The following FTO variants were observed in gnomAD, a reference collection of about 807,000 sequenced individuals.
FTO encodes alpha-ketoglutarate-dependent dioxygenase FTO.
In FTO, 47 loss-of-function variants were observed where a neutral mutation model predicts 63.9. The ratio of observed to expected loss-of-function variants is 0.74; its 90% confidence interval spans 0.58 to 0.94. FTO has a LOEUF of 0.94. Ranked by LOEUF, FTO falls within the 40% of genes least tolerant of loss-of-function variation. The pLI, the probability that FTO is intolerant of heterozygous loss-of-function variation, is 0.00. For missense variants in FTO, 562 were observed against 618.1 expected, an observed-to-expected ratio of 0.91 and a Z score of 0.96; for synonymous variants, 207 against 224.4, an observed-to-expected ratio of 0.92 and a Z score of 0.69.
intron 1 of FTO, among the ~76,000 whole-genome samples, chr16:53,719,196 A>G (rs963443113): frequency 2.7e-5 from 4 of 150,766 alleles, no homozygotes; most frequent in African/African-American, 7.3e-5. Context: ...AAGCATTAGG[A>G]TTATTTGCCT....
intron 1 of FTO, among the ~76,000 whole-genome samples, chr16:53,741,656 G>A (rs1025622530): frequency 1.3e-5 from 2 of 152,164 alleles, no homozygotes; most frequent in African/African-American, 4.8e-5. Context: ...GATCTTTCCA[G>A]TGTCCTCTTC....
chr16:53,737,660 C>A (rs1256666577), intron 1 of FTO, among the ~76,000 whole-genome samples: 1 of 152,184 alleles, frequency 6.6e-6, no homozygotes, highest in Non-Finnish European at 1.5e-5. Flanking sequence ...CTCCTTGTCA[C>A]CCAGCAGTAA....
At chr16:53,758,544 T>TA (rs2076977054) in intron 1 of FTO, among the ~76,000 whole-genome samples, 1 of 152,168 alleles carries the variant, frequency 6.6e-6, no homozygotes, top group Non-Finnish European at 1.5e-5. Flanking sequence ...GTTTCCATCA[T>TA]ATCGCTCTGT....
chr16:53,840,765 G>A (rs561410893), intron 3 of FTO, among the ~76,000 whole-genome samples: 2 of 152,270 alleles, frequency 1.3e-5, no homozygotes, highest in Non-Finnish European at 2.9e-5. Context: ...GTAAAGTGAA[G>A]TGGCTGTGGG....
chr16:53,785,803 G>A (rs1480946876), intron 1 of FTO, among the ~76,000 whole-genome samples: 4 of 151,786 alleles, frequency 2.6e-5, no homozygotes, highest in Non-Finnish European at 5.9e-5. Context: ...CCAGCTACTC[G>A]GGAGGCTGAG....
intron 7 of FTO, among the ~76,000 whole-genome samples, chr16:53,929,469 T>A (rs1392433389): frequency 6.6e-6 from 1 of 152,214 alleles, no homozygotes; most frequent in Non-Finnish European, 1.5e-5. Context: ...TTGTTTCCAG[T>A]TTTTGGTGAT....
intron 7 of FTO, among the ~76,000 whole-genome samples, chr16:53,909,249 A>G (rs574686714): frequency 1.6e-4 from 24 of 152,200 alleles, no homozygotes; most frequent in Non-Finnish European, 2.4e-4. Flanking sequence ...TTAAAGGTTT[A>G]AGGTGTCGAA....
chr16:53,810,312 A>C, intron 2 of FTO, 95 bp downstream of exon 2: 1 of 826,142 alleles, frequency 1.2e-6, no homozygotes, highest in Non-Finnish European at 2.1e-6. Context: ...GTTAAATGAC[A>C]GGTGAAAAGG....
chr16:53,868,815 T>A lies in FTO; in HGVS notation c.896-4971T>A, dbSNP rs535973888. ...TTTTTATTTGTCTGAAACATTTTTT[T>A]AAAAAATCCTTTCTTTCTTTCTTTT... On this transcript the variant is annotated intron_variant, in intron 4 of 8. Coordinates refer to ENST00000471389, the MANE Select transcript of FTO (RefSeq NM_001080432.3). 1.7e-3 allele frequency among the ~76,000 whole-genome samples: 266 copies of A among 152,162 alleles called. 4 individuals are homozygous for A. The South Asian group carries it at 0.052, about 30-fold the overall frequency.
intron 8 of FTO, among the ~76,000 whole-genome samples, chr16:54,027,809 G>A (rs1362239597): frequency 6.6e-6 from 1 of 152,170 alleles, no homozygotes; most frequent in Non-Finnish European, 1.5e-5. Context: ...GGCAGAGAGT[G>A]TACTCTTGTT....
Position 53,820,077 on chromosome 16 carries a change from C to T in FTO, c.124-5787C>T, listed in dbSNP as rs958821059. Reference sequence around the variant, plus strand: ...AGGCTGGAGTGCAGTGGTGTGATCTCGGCTCACTGTAACCTCTACCTCCCG... The same window carrying T: ...AGGCTGGAGTGCAGTGGTGTGATCTTGGCTCACTGTAACCTCTACCTCCCG... On this transcript the variant is annotated intron_variant, in intron 2 of 8. Transcript: ENST00000471389. Among the ~76,000 whole-genome samples the T allele has an allele frequency of 1.3e-4, 19 of 148,114 alleles. 1 individual carries two copies. The highest frequency in any genetic ancestry group is 6.8e-4 in the Admixed American group (10 of 14,718).
rs986750550 is a variant in FTO at position 54,108,324 on chromosome 16, A to G, written c.1365-3438A>G. The stretch of plus-strand genomic sequence containing the variant: ...GGCCAGACGACAATGCCTTTTATCA[A>G]TCCTAGGTCTTCAGGAATAACTGCT... On this transcript the variant is annotated intron_variant, in intron 8 of 8. Transcript: ENST00000471389. 9.2e-5 allele frequency among the ~76,000 whole-genome samples: 14 copies of G among 152,314 alleles called. No homozygotes were observed. In the South Asian group the frequency reaches 1.5e-3, roughly 16 times the overall value.
At chr16:53,891,820 T>C (rs569059881) in intron 7 of FTO, among the ~76,000 whole-genome samples, 8 of 152,332 alleles carry the variant, frequency 5.3e-5, no homozygotes, top group African/African-American at 1.2e-4. Context: ...ATATCTGTTA[T>C]TTGTTTTGTC....
At chr16:53,720,337 T>C (rs1408101857) in intron 1 of FTO, among the ~76,000 whole-genome samples, 1 of 152,150 alleles carries the variant, frequency 6.6e-6, no homozygotes, top group Non-Finnish European at 1.5e-5. Context: ...AAAAGAACTT[T>C]GAATACTAAC....
intron 6 of FTO, 77 bp from the exon 7 acceptor site, chr16:53,888,755 T>A: frequency 1.3e-6 from 2 of 1,508,196 alleles, no homozygotes; most frequent in East Asian, 4.5e-5. Context: ...TGGAGGAGAA[T>A]TAAGAGACGA....
intron 1 of FTO, among the ~76,000 whole-genome samples, chr16:53,710,664 A>G (rs2075747996): frequency 6.6e-6 from 1 of 152,106 alleles, no homozygotes; most frequent in Non-Finnish European, 1.5e-5. Flanking sequence ...GGTAAGTTTT[A>G]TTTGGCCCAA....
intron 4 of FTO, among the ~76,000 whole-genome samples, chr16:53,850,948 A>C (rs1408550028): frequency 6.6e-6 from 1 of 152,182 alleles, no homozygotes; most frequent in Non-Finnish European, 1.5e-5. Flanking sequence ...AAAATGAGTG[A>C]ATTGTATGGT....
chr16:53,914,356 A>ATT (rs572811615), intron 7 of FTO, among the ~76,000 whole-genome samples: 1 of 148,802 alleles, frequency 6.7e-6, no homozygotes, highest in African/African-American at 2.5e-5. Context: ...TGTTGAAATA[A>ATT]TTTTTTTTTT....
intron 7 of FTO, among the ~76,000 whole-genome samples, chr16:53,912,231 A>G (rs1276994320): frequency 1.3e-5 from 2 of 152,152 alleles, no homozygotes; most frequent in African/African-American, 4.8e-5. Flanking sequence ...CCTGTGTCCT[A>G]AGGCAACCTC....
Sources: allele counts gnomAD v4.1 joint callset (sites outside exome capture counted in the v4.1 genomes callset), GRCh38; gene constraint gnomAD v4.1.1; transcripts MANE v1.5; gene names NCBI Gene and HGNC (gene_info 2026-07-23, HGNC 2026-07-21).